TRIM66: variants seen among roughly 807,000 people sequenced by gnomAD.
TRIM66 encodes tripartite motif-containing protein 66.
TRIM66 carries 99 observed loss-of-function variants against 148.2 expected under a neutral mutation model. The ratio of observed to expected loss-of-function variants is 0.67; its 90% CI spans 0.57 to 0.79. The LOEUF is 0.79. Among genes scored for constraint, TRIM66 ranks in the 30% least tolerant of loss-of-function variants. The pLI, the probability that TRIM66 is intolerant of heterozygous loss-of-function variation, is 0.00. For missense variants in TRIM66, 1,666 were observed against 1,697.9 expected (o/e 0.98, Z 0.33); for synonymous variants, 616 against 635.9 (o/e 0.97, Z 0.47).
chr11:8,674,311 T>C (rs2039078967), intron 4 of TRIM66, among the ~76,000 whole-genome samples: 1 of 152,242 alleles, frequency 6.6e-6, no homozygotes, highest in Non-Finnish European at 1.5e-5. Flanking sequence ...TTTCATAAAA[T>C]AATAAACTTG....
intron 15 of TRIM66, 125 bp from the exon 16 acceptor site, chr11:8,625,353 T>TACCA: frequency 1.0e-5 from 7 of 687,854 alleles, no homozygotes; most frequent in Non-Finnish European, 1.3e-5. Context: ...GTCTGGTAGC[T>TACCA]GCTGGTAGCT....
In TRIM66 at chr11:8,619,418, G is replaced by A. The variant is rs1312596295; in HGVS notation, c.3865C>T (p.Arg1289Cys). Residue 1289 changes from arginine to cysteine, a missense_variant, in exon 23 of 25, where the codon CGC becomes TGC. Arg to Cys is a radical substitution (Grantham distance 180, BLOSUM62 -3). Around this residue, in one of 3 missense-constraint regions of TRIM66, gnomAD observed 204 missense variants for 231.0 expected, o/e 0.88. Transcript: ENST00000646038. The stretch of plus-strand genomic sequence containing the variant: ...TTAGCACAGTTCCAGAACATGAGGC[G>A]CACATCTGATACCACCTCCTCTGGG... The part of the protein sequence containing the change: ...TTPEEVVSDV[R>C]LMFWNCAKFN... 9 of 1,533,704 alleles carry A rather than the reference G, an allele frequency of 5.9e-6. No homozygotes were observed. Among genetic ancestry groups the A allele is most frequent in the Admixed American group, 2.2e-5 (1 of 45,648 alleles).
chr11:8,670,342 T>TTCCACCC (rs1193097742), intron 6 of TRIM66, among the ~76,000 whole-genome samples: 1 of 152,120 alleles, frequency 6.6e-6, no homozygotes, highest in African/African-American at 2.4e-5. Context: ...CTCACTCTCC[T>TTCCACCC]TCCACCCTCC....
rs555806622 is a variant in TRIM66 at position 8,633,938 on chromosome 11, C to A, written c.2310+4716G>T. Among the ~76,000 whole-genome samples the A allele has an allele frequency of 1.6e-4, 24 of 152,318 alleles. No homozygotes were observed. The East Asian group carries it at 4.4e-3, about 28-fold the overall frequency. ...TATCTGCCTGGGTCATTATCCTTTA[C>A]TCCTCTGTATCACTCTTAATAATCT... is the stretch of plus-strand genomic sequence containing the variant. On this transcript the variant is annotated intron_variant, in intron 15 of 24. Coordinates refer to ENST00000646038, the MANE Select transcript of TRIM66 (RefSeq NM_001388022.1).
Position 8,644,719 on chromosome 11 carries a change from C to G in TRIM66, c.1104+1022G>C, listed in dbSNP as rs1267103731. ...AAAAAGTTTCCCCCAACTCTGCCAT[C>G]TTCTCAGGCTATGTTTTTATTTTTC... On this transcript the variant is annotated intron_variant, in intron 12 of 24. Coordinates refer to ENST00000646038, the MANE Select transcript of TRIM66 (RefSeq NM_001388022.1). Among the ~76,000 whole-genome samples, 3 of 152,276 alleles carry G rather than the reference C, an allele frequency of 2.0e-5. No homozygotes were observed. In the East Asian group the frequency reaches 5.8e-4, roughly 29 times the overall value.
intron 3 of TRIM66, among the ~76,000 whole-genome samples, chr11:8,677,893 A>G (rs2133559937): frequency 6.6e-6 from 1 of 152,316 alleles, no homozygotes; most frequent in Non-Finnish European, 1.5e-5. Flanking sequence ...AGACTCCTAA[A>G]AATTCCTAAT....
At chr11:8,629,610 A>C (rs879699918) in intron 15 of TRIM66, among the ~76,000 whole-genome samples, 1 of 152,224 alleles carries the variant, frequency 6.6e-6, no homozygotes, top group African/African-American at 2.4e-5. Context: ...CATGTGAGTT[A>C]ACATAATGAT....
At chr11:8,629,357 C>T (rs10840097) in intron 15 of TRIM66, among the ~76,000 whole-genome samples, 8,484 of 152,234 alleles carry the variant, frequency 0.056, 328 homozygotes, top group Non-Finnish European at 0.084. Flanking sequence ...GTGGTTTTGG[C>T]GCTCATTTAA....
At position 8,621,634 on chromosome 11, in the gene TRIM66, C is replaced by T; in HGVS notation, c.3255+11G>A. The T allele has an allele frequency of 6.6e-7, 1 of 1,512,706 alleles. No individual in the cohort carries two copies. The highest frequency in any genetic ancestry group is 1.3e-5 in the South Asian group (1 of 76,022). 93.7% of individuals were successfully genotyped at this position (1,512,706 alleles called of 1,614,324 possible). The stretch of plus-strand genomic sequence containing the variant: ...GCCAGGGTTTAAGGCCAAGGCAAAG[C>T]AAAGTGGTACCTTAATGGACATGCT... On this transcript the variant is annotated intron_variant, in intron 19 of 24. Coordinates refer to ENST00000646038, the MANE Select transcript of TRIM66 (RefSeq NM_001388022.1).
intron 6 of TRIM66, among the ~76,000 whole-genome samples, chr11:8,661,973 C>T (rs1029146204): frequency 2.0e-5 from 3 of 152,144 alleles, no homozygotes; most frequent in African/African-American, 4.8e-5. Context: ...TTTCCATTAC[C>T]GGGGGAATTG....
At chr11:8,619,020 T>C in intron 23 of TRIM66, 52 bp from the exon 24 acceptor site, 1 of 1,487,708 alleles carries the variant, frequency 6.7e-7, no homozygotes. Context: ...CCAGTCCATC[T>C]CTTTCGGGTC....
intron 11 of TRIM66, among the ~76,000 whole-genome samples, chr11:8,646,223 G>A (rs559683546): frequency 2.0e-5 from 3 of 152,210 alleles, no homozygotes; most frequent in African/African-American, 7.2e-5. Flanking sequence ...AAGGATGGAA[G>A]CTGCCTAAGA....
chr11:8,672,425 T>C, intron 4 of TRIM66, 40 bp from the exon 5 acceptor site: 5 of 1,474,108 alleles, frequency 3.4e-6, no homozygotes, highest in East Asian at 4.9e-5. Context: ...AATTGCATTA[T>C]TGACAAGTTT....
chr11:8,654,652 G>T (rs1273459941), intron 6 of TRIM66: 1 of 152,172 alleles, frequency 6.6e-6, no homozygotes, highest in Non-Finnish European at 1.5e-5. Context: ...CAATTATAGA[G>T]TAAGTCCTCA....
chr11:8,638,278 G>T (rs1395610869), intron 15 of TRIM66, among the ~76,000 whole-genome samples: 1 of 152,222 alleles, frequency 6.6e-6, no homozygotes, highest in Non-Finnish European at 1.5e-5. Context: ...CTGGACTTCA[G>T]TTTCCTTAGC....
chr11:8,649,708 T>A, intron 8 of TRIM66, 32 bp downstream of exon 8: 1 of 1,542,212 alleles, frequency 6.5e-7, no homozygotes, highest in Non-Finnish European at 8.7e-7. Context: ...CTTTAGGGCA[T>A]GGGAGTGGGC....
chr11:8,658,658 G>T, intron 6 of TRIM66: 2 of 536,888 alleles, frequency 3.7e-6, no homozygotes, highest in Non-Finnish European at 4.8e-6. Context: ...AGCGGTGCCT[G>T]CACAGCCAGA....
intron 4 of TRIM66, among the ~76,000 whole-genome samples, chr11:8,674,076 T>C (rs928124373): frequency 1.3e-5 from 2 of 152,228 alleles, no homozygotes; most frequent in Non-Finnish European, 2.9e-5. Context: ...GAGGACAGTC[T>C]CTATTAGAAG....
chr11:8,622,861 T>C lies in TRIM66; in HGVS notation c.3035A>G (p.Glu1012Gly), dbSNP rs2034435555. 2.6e-6 allele frequency: 4 copies of C among 1,551,980 alleles called. No homozygotes were observed. The highest frequency in any genetic ancestry group is 3.5e-6 in the Non-Finnish European group (4 of 1,147,048). Residue 1012 changes from glutamate (E) to glycine (G), a missense_variant, in exon 18 of 25, where the codon GAA becomes GGA. By Grantham distance (98) the Glu-to-Gly change is moderately conservative. Around this residue, in one of 3 missense-constraint regions of TRIM66, gnomAD observed 1,431 missense variants for 1,412.4 expected, o/e 1.01. Coordinates refer to ENST00000646038, the MANE Select transcript of TRIM66 (RefSeq NM_001388022.1). ...YQNPKECENFEQGALELDAKE... is the reference protein window; with the variant it reads ...YQNPKECENFGQGALELDAKE... ...TGCATCCAGCTCTAGGGCTCCTTGT[T>C]CAAAATTCTCACACTCTAAGGCAAA...
Sources: gnomAD v4.1 joint callset for allele counts (sites outside exome capture counted in the v4.1 genomes callset) on GRCh38, gnomAD v4.1.1 for gene constraint, gnomAD v4.1.1 regional missense constraint, MANE v1.5 for transcripts, NCBI Gene and HGNC (gene_info 2026-07-23, HGNC 2026-07-21) for gene names.